The following XIRP2 variants were observed in gnomAD, a reference collection of about 807,000 sequenced individuals.
XIRP2 encodes xin actin-binding repeat-containing protein 2.
Under a neutral mutation model 277.0 loss-of-function variants are expected in XIRP2, and 236 were observed. The observed-to-expected ratio is 0.85, with a 90% confidence interval of 0.77 to 0.95. The LOEUF (loss-of-function observed/expected upper bound fraction) is 0.95, where lower values mean the gene tolerates loss of function less well. Ranked by LOEUF, XIRP2 falls within the 40% of genes least tolerant of loss-of-function variation. The pLI is 0.00. For missense variants in XIRP2, 4,640 were observed against 4,157.5 expected, an observed-to-expected ratio of 1.12 and a Z score of -3.19; for synonymous variants, 1,490 against 1,416.5, an observed-to-expected ratio of 1.05 and a Z score of -1.17.
Position 167,244,329 on chromosome 2 carries a change from T to C in XIRP2, c.2937T>C (p.Asn979=). ...EGVTRGAVEL[N]KSLFETTPLY... ...TTACAAGAGGTGCTGTAGAGTTAAA[T>C]AAATCTCTCTTCGAGACAACACCAC... The change falls in exon 9 of 11, where the codon AAT becomes AAC. Residue 979 remains asparagine (N), a synonymous_variant. Coordinates refer to ENST00000409195, the MANE Select transcript of XIRP2 (RefSeq NM_152381.6). 1 of 1,613,750 alleles carries C rather than the reference T, an allele frequency of 6.2e-7. No individual in the cohort carries two copies. Among genetic ancestry groups the C allele is most frequent in the Non-Finnish European group, 8.5e-7 (1 of 1,179,846 alleles).
At chr2:167,117,865 C>G (rs1042869247) in intron 2 of XIRP2, among the ~76,000 whole-genome samples, 1 of 152,098 alleles carries the variant, frequency 6.6e-6, no homozygotes, top group African/African-American at 2.4e-5. Context: ...TTGTGTTACT[C>G]TTTATTAAGT....
intron 3 of XIRP2, among the ~76,000 whole-genome samples, chr2:167,196,450 GTA>G (rs1491508615): frequency 1.4e-5 from 2 of 144,688 alleles, no homozygotes; most frequent in African/African-American, 2.7e-5. Flanking sequence ...GTGTGTGTGT[GTA>G]GACTGGCCAC....
At chr2:167,172,721 A>T (rs73023984) in intron 3 of XIRP2, among the ~76,000 whole-genome samples, 15,021 of 152,202 alleles carry the variant, frequency 0.099, 789 homozygotes, top group South Asian at 0.15. Flanking sequence ...TATTCTCTGA[A>T]CATCACTGTT....
At chr2:167,165,840 T>G (rs1692507894) in intron 3 of XIRP2, among the ~76,000 whole-genome samples, 1 of 152,206 alleles carries the variant, frequency 6.6e-6, no homozygotes. Context: ...ATTTCTAATT[T>G]TAATGAATTC....
chr2:166,894,729 G>A (rs1266454338), intron 1 of XIRP2, among the ~76,000 whole-genome samples: 2 of 152,106 alleles, frequency 1.3e-5, no homozygotes, highest in Non-Finnish European at 2.9e-5. Flanking sequence ...AGAAGCGAAG[G>A]ATAAACTACT....
rs777411088 is a variant in XIRP2, at chr2:167,247,528, C to A, written c.6136C>A (p.Leu2046Ile). The change falls in exon 9 of 11, where the codon CTA (leucine) becomes ATA (isoleucine). Residue 2046 changes from leucine (L) to isoleucine (I), a missense_variant. Coordinates refer to ENST00000409195, the MANE Select transcript of XIRP2 (RefSeq NM_152381.6). ...TGCTCTGGAGAAAAGCCTTAGAAGA[C>A]TATCTAATTCACACCATAAATCTAA... ...NDALEKSLRRLSNSHHKSNVL... is the reference protein window; with the variant it reads ...NDALEKSLRRISNSHHKSNVL... 25 of 1,613,608 alleles carry A rather than the reference C, an allele frequency of 1.5e-5. No homozygotes were observed. The East Asian group carries it at 5.6e-4, about 36-fold the overall frequency.
At chr2:167,061,029 T>C (rs1689160793) in intron 2 of XIRP2, among the ~76,000 whole-genome samples, 2 of 152,142 alleles carry the variant, frequency 1.3e-5, no homozygotes, top group African/African-American at 4.8e-5. Flanking sequence ...TTTTCTCATT[T>C]ATCAGAGCAA....
At chr2:166,983,475 T>G (rs1037944068) in intron 2 of XIRP2, among the ~76,000 whole-genome samples, 3 of 152,226 alleles carry the variant, frequency 2.0e-5, no homozygotes, top group African/African-American at 7.2e-5. Flanking sequence ...ACTATTACTT[T>G]GTATATCTAG....
chr2:167,052,944 A>C (rs188277369), intron 2 of XIRP2, among the ~76,000 whole-genome samples: 220 of 152,314 alleles, frequency 1.4e-3, no homozygotes, highest in African/African-American at 3.7e-3. Flanking sequence ...CAAAAATAAA[A>C]CCACACTTTC....
At chr2:167,151,968 T>A (rs1013944969) in intron 3 of XIRP2, among the ~76,000 whole-genome samples, 4 of 152,158 alleles carry the variant, frequency 2.6e-5, no homozygotes, top group Non-Finnish European at 4.4e-5. Flanking sequence ...GTCAAGTGAT[T>A]GCAGAAGTAA....
chr2:167,003,861 CTG>C (rs1687434852), intron 2 of XIRP2, among the ~76,000 whole-genome samples: 1 of 151,822 alleles, frequency 6.6e-6, no homozygotes, highest in African/African-American at 2.4e-5. Flanking sequence ...TCTTAATAAA[CTG>C]TGTTTCTGAT....
intron 2 of XIRP2, among the ~76,000 whole-genome samples, chr2:167,083,963 A>C (rs541116052): frequency 4.0e-5 from 6 of 151,078 alleles, no homozygotes; most frequent in South Asian, 2.1e-4. Flanking sequence ...CCTGGCCAGA[A>C]CTTCCAACAC....
Position 167,246,228 on chromosome 2 carries a change from A to T in XIRP2, c.4836A>T (p.Leu1612=), listed in dbSNP as rs766127657. Residue 1612 remains leucine, a synonymous_variant, in exon 9 of 11, where the codon CTA becomes CTT. Coordinates refer to ENST00000409195, the MANE Select transcript of XIRP2 (RefSeq NM_152381.6). The part of the protein sequence containing the change: ...RADLRNIMVN[L]LSKRDCTERE... ...ATCTCAGAAATATAATGGTGAACCT[A>T]CTTTCCAAAAGGGACTGTACTGAAA... 6.2e-7 allele frequency: 1 copy of T among 1,613,320 alleles called. No homozygotes were observed. Among genetic ancestry groups the T allele is most frequent in the South Asian group, 1.1e-5 (1 of 90,956 alleles).
Position 166,906,843 on chromosome 2 carries a change from C to T in XIRP2, c.408+2953C>T, listed in dbSNP as rs114482982. 6.2e-3 allele frequency among the ~76,000 whole-genome samples: 938 copies of T among 152,136 alleles called. 14 individuals are homozygous for T. Among genetic ancestry groups the T allele is most frequent in the African/African-American group, 0.021 (891 of 41,512 alleles). On this transcript the variant is annotated intron_variant, in intron 2 of 10. Coordinates refer to ENST00000409195, the MANE Select transcript of XIRP2 (RefSeq NM_152381.6). ...TTGGGAGTCTGAGTCAGGAGGATCC[C>T]TTGATCCCATGAGCAAGGGGTTGCT...
intron 2 of XIRP2, among the ~76,000 whole-genome samples, chr2:167,009,085 T>C (rs1687588539): frequency 6.6e-6 from 1 of 151,802 alleles, no homozygotes; most frequent in Non-Finnish European, 1.5e-5. Flanking sequence ...TATTACATTT[T>C]AAGTTTTAGG....
Position 166,903,693 on chromosome 2 carries a change from T to A in XIRP2, c.211T>A (p.Trp71Arg). The A allele has an allele frequency of 2.5e-6, 4 of 1,613,572 alleles. No homozygotes were observed. The highest frequency in any genetic ancestry group is 3.4e-6 in the Non-Finnish European group (4 of 1,179,752). Reference protein sequence around the residue: ...SLPYSTGEEMWSSKPEEKDSV... With the variant: ...SLPYSTGEEMRSSKPEEKDSV... The stretch of plus-strand genomic sequence containing the variant: ...GCCCTACAGTACAGGGGAAGAGATG[T>A]GGAGTTCGAAGCCGGAAGAGAAGGA... The change falls in exon 2 of 11, where the codon TGG becomes AGG. Residue 71 changes from tryptophan (W) to arginine (R), a missense_variant. Transcript: ENST00000409195.
At chr2:167,105,074 TAGTA>T (rs1442099694) in intron 2 of XIRP2, among the ~76,000 whole-genome samples, 1 of 152,018 alleles carries the variant, frequency 6.6e-6, no homozygotes, top group African/African-American at 2.4e-5. Flanking sequence ...TCAAATGAAT[TAGTA>T]AGTTAGTTTT....
intron 5 of XIRP2, among the ~76,000 whole-genome samples, chr2:167,235,577 A>G (rs560080023): frequency 6.6e-6 from 1 of 152,088 alleles, no homozygotes; most frequent in Non-Finnish European, 1.5e-5. Flanking sequence ...GGAGAGAATC[A>G]TATTAGCAAA....
At chr2:166,949,941 T>C (rs1685983004) in intron 2 of XIRP2, among the ~76,000 whole-genome samples, 1 of 152,040 alleles carries the variant, frequency 6.6e-6, no homozygotes, top group Non-Finnish European at 1.5e-5. Flanking sequence ...ATTCTTTTTT[T>C]CCCTTTTTAC....
Sources: allele counts gnomAD v4.1 joint callset (sites outside exome capture counted in the v4.1 genomes callset), GRCh38; gene constraint gnomAD v4.1.1; transcripts MANE v1.5; gene names NCBI Gene and HGNC (gene_info 2026-07-23, HGNC 2026-07-21).